TUBGCP5: variants seen among roughly 807,000 people sequenced by gnomAD.
The protein encoded by TUBGCP5 is gamma-tubulin complex component 5.
In TUBGCP5, 98 loss-of-function variants were observed where a neutral mutation model predicts 134.7. The observed-to-expected ratio is 0.73, with a 90% CI of 0.62 to 0.86. TUBGCP5 has a LOEUF of 0.86. Ranked by LOEUF, TUBGCP5 falls within the 40% of genes least tolerant of loss-of-function variation. The pLI is 0.00. For missense variants in TUBGCP5, 1,150 were observed against 1,244.8 expected (o/e 0.92, Z 1.15); for synonymous variants, 456 against 431.4 (o/e 1.06, Z -0.71).
chr15:23,017,503 C>CCA (rs1386391194), intron 13 of TUBGCP5, among the ~76,000 whole-genome samples: 1 of 152,002 alleles, frequency 6.6e-6, no homozygotes, highest in Non-Finnish European at 1.5e-5. Flanking sequence ...TTTTAAAGTT[C>CCA]CAGTCCTAAG....
rs777088676 is a variant in TUBGCP5, at chr15:23,024,790, T to G, written c.868A>C (p.Ile290Leu). The change falls in exon 9 of 23, where the codon ATA (isoleucine) becomes CTA (leucine). Residue 290 changes from isoleucine (I) to leucine (L), a missense_variant. Transcript: ENST00000615383. Reference protein sequence around the residue: ...GVKKLFIFQLIDGKVTVRNNI... With the variant: ...GVKKLFIFQLLDGKVTVRNNI... ...TTTCTCACAGTTACCTTCCCATCTATCAACTGAAATATAAAGAGCTTTTTC... is the reference window on the plus strand; with the variant it reads ...TTTCTCACAGTTACCTTCCCATCTAGCAACTGAAATATAAAGAGCTTTTTC... The G allele has an allele frequency of 4.4e-6, 7 of 1,596,956 alleles. No homozygotes were observed. In the South Asian group the frequency reaches 7.9e-5, roughly 18 times the overall value.
At chr15:23,010,987 A>G (rs2065002040) in intron 14 of TUBGCP5, 146 bp downstream of exon 14, 4 of 786,600 alleles carry the variant, frequency 5.1e-6, no homozygotes, top group South Asian at 1.9e-5. Flanking sequence ...TCTCAAACAA[A>G]CAAAAAAAAA....
intron 4 of TUBGCP5, among the ~76,000 whole-genome samples, chr15:23,032,515 G>A (rs2066370724): frequency 2.0e-5 from 3 of 152,082 alleles, no homozygotes; most frequent in Admixed American, 2.0e-4. Flanking sequence ...TTTTTGATCT[G>A]TAGTTGATTG....
At chr15:23,032,077 G>GA (rs1267465299) in intron 4 of TUBGCP5, 48 bp from the exon 5 acceptor site, 80 of 1,411,798 alleles carry the variant, frequency 5.7e-5, no homozygotes, top group Admixed American at 2.8e-4. Context: ...ATCTATCTTT[G>GA]AAAAAAAACC....
At chr15:23,033,237 A>AT (rs142285097) in intron 3 of TUBGCP5, among the ~76,000 whole-genome samples, 6,669 of 151,872 alleles carry the variant, frequency 0.044, 366 homozygotes, top group African/African-American at 0.13. Flanking sequence ...TGAAATTTAG[A>AT]TTTTTTCCCA....
rs369762291 is a variant in TUBGCP5 at position 22,984,921 on chromosome 15, G to C, written c.*62-1310C>G. ...ATTTAAAACTTCTCATCAAAAGAATGTTAAAAGAGTGAAAAGACATAGACA... is the reference window on the plus strand; with the variant it reads ...ATTTAAAACTTCTCATCAAAAGAATCTTAAAAGAGTGAAAAGACATAGACA... On this transcript the variant is annotated intron_variant and NMD_transcript_variant, in intron 23 of 23. Transcript: ENST00000614508. 1.7e-3 allele frequency among the ~76,000 whole-genome samples: 256 copies of C among 152,278 alleles called. 3 individuals carry two copies. In the South Asian group the frequency reaches 0.02, roughly 12 times the overall value.
Position 23,026,139 on chromosome 15 carries a change from A to C in TUBGCP5, c.804T>G (p.Thr268=). The change falls in exon 8 of 23, where the codon ACT becomes ACG. Residue 268 remains threonine (T), a synonymous_variant. Transcript: ENST00000615383. ...ACCATAGGGTTTCCCGAATAACCTG[A>C]GTCTCAGTAACCAAAACCCTGTCAT... ...VPDDRVLVTE[T]QVIRETLWLL... 6.2e-7 allele frequency: 1 copy of C among 1,610,466 alleles called. No homozygotes were observed. Among genetic ancestry groups the C allele is most frequent in the East Asian group, 2.2e-5 (1 of 44,654 alleles).
In TUBGCP5 at chr15:23,037,121, T is replaced by A; in HGVS notation, c.178A>T (p.Lys60Ter). 3 of 1,613,828 alleles carry A rather than the reference T, an allele frequency of 1.9e-6. No homozygotes were observed. The highest frequency in any genetic ancestry group is 2.5e-6 in the Non-Finnish European group (3 of 1,180,008). ...FHRFLDVNSH[K>*]IEKTIEGIYE... is the part of the protein sequence containing the mutation. ...TACCCTTCGATTGTTTTTTCTATTTTGTGGCTGTTGACATCCAAGAAACGA... is the reference window on the plus strand; with the variant it reads ...TACCCTTCGATTGTTTTTTCTATTTAGTGGCTGTTGACATCCAAGAAACGA... The change falls in exon 2 of 23, where the codon AAA becomes TAA. Residue 60 changes from lysine to a stop codon, truncating the protein, a stop_gained. Coordinates refer to ENST00000615383, the MANE Select transcript of TUBGCP5 (RefSeq NM_052903.6). LOFTEE classifies it high-confidence loss of function.
chr15:23,020,548 T>C (rs1453703680), intron 11 of TUBGCP5, among the ~76,000 whole-genome samples: 1 of 129,486 alleles, frequency 7.7e-6, no homozygotes, highest in African/African-American at 3.0e-5. Context: ...ATCGTGCGAC[T>C]GCACTCCAGC....
chr15:23,006,307 C>T lies in TUBGCP5; in HGVS notation c.2373G>A (p.Leu791=), dbSNP rs779738337. 1 of 1,609,374 alleles carries T rather than the reference C, an allele frequency of 6.2e-7. No individual in the cohort carries two copies. Among genetic ancestry groups the T allele is most frequent in the Non-Finnish European group, 8.5e-7 (1 of 1,179,108 alleles). The change falls in exon 17 of 23, where the codon CTG becomes CTA. Residue 791 remains leucine (L), a synonymous_variant. Coordinates refer to ENST00000615383, the MANE Select transcript of TUBGCP5 (RefSeq NM_052903.6). Reference sequence around the variant, plus strand: ...TCAGACCATCTAAGATATGAACAGGCAGCTTCTTCTTAGCTGTGTCAACAT... The same window carrying T: ...TCAGACCATCTAAGATATGAACAGGTAGCTTCTTCTTAGCTGTGTCAACAT... ...FENVDTAKKK[L]PVHILDGLTL... is the part of the protein sequence containing the mutation.
At position 23,037,079 on chromosome 15, in the gene TUBGCP5, A is replaced by T. The variant is rs2140712370; in HGVS notation, c.200+20T>A. 1.9e-6 allele frequency: 3 copies of T among 1,612,598 alleles called. No individual in the cohort carries two copies. The highest frequency in any genetic ancestry group is 2.5e-6 in the Non-Finnish European group (3 of 1,178,924). On this transcript the variant is annotated intron_variant, in intron 2 of 22. Coordinates refer to ENST00000615383, the MANE Select transcript of TUBGCP5 (RefSeq NM_052903.6). ...AAAATACATATATTTCTGGATGCGT[A>T]TATATACACACTGACTTACCCTTCG...
intron 23 of TUBGCP5, among the ~76,000 whole-genome samples, chr15:22,986,558 G>A (rs958364665): frequency 8.6e-5 from 13 of 151,978 alleles, no homozygotes; most frequent in Admixed American, 6.6e-4. Flanking sequence ...CCAACATGGC[G>A]AAACCCCATC....
In TUBGCP5 at chr15:22,999,698, G is replaced by T; in HGVS notation, c.*122C>A. 1 of 1,101,556 alleles carries T rather than the reference G, an allele frequency of 9.1e-7. No homozygotes were observed. Among genetic ancestry groups the T allele is most frequent in the Non-Finnish European group, 1.3e-6 (1 of 745,436 alleles). The allele number at this position is 1,101,556 out of a possible 1,614,324, so 68.2% of individuals were successfully genotyped here. A position where few individuals can be genotyped will look rare whatever the true frequency, so the allele number is the denominator to read the frequency against. On this transcript the variant is annotated 3_prime_UTR_variant, in exon 23 of 23. Transcript: ENST00000615383. Reference sequence around the variant, plus strand: ...TTAGAGGCATGAGCGACTGTGCCAGGCTGACTGTGGACAAGTTTTACAAAT... The same window carrying T: ...TTAGAGGCATGAGCGACTGTGCCAGTCTGACTGTGGACAAGTTTTACAAAT...
At chr15:22,996,455 G>T (rs1226110238), downstream of TUBGCP5, among the ~76,000 whole-genome samples, 1 of 152,068 alleles carries the variant, frequency 6.6e-6, no homozygotes, top group Non-Finnish European at 1.5e-5. Context: ...ATCAGCCGGG[G>T]AACATAGTTA....
intron 23 of TUBGCP5, chr15:22,983,653 TAAC>T (rs2063596778): frequency 6.6e-6 from 1 of 151,972 alleles, no homozygotes; most frequent in Non-Finnish European, 1.5e-5. Flanking sequence ...AGTAAGACAT[TAAC>T]AATAATAAAA....
At chr15:22,998,310 A>C (rs1018023391), downstream of TUBGCP5, among the ~76,000 whole-genome samples, 1 of 152,148 alleles carries the variant, frequency 6.6e-6, no homozygotes, top group Non-Finnish European at 1.5e-5. Context: ...GTGAGCCTCC[A>C]CATTTCAAAA....
intron 13 of TUBGCP5, 46 bp downstream of exon 13, chr15:23,017,727 C>G (rs375114464): frequency 1.9e-6 from 3 of 1,565,838 alleles, no homozygotes; most frequent in South Asian, 1.2e-5. Flanking sequence ...CGAGTAGGGT[C>G]AGGTGTCCCA....
intron 13 of TUBGCP5, among the ~76,000 whole-genome samples, chr15:23,012,048 T>C (rs1032734219): frequency 5.3e-5 from 8 of 150,096 alleles, no homozygotes; most frequent in East Asian, 4.0e-4. Context: ...CAGGTGAAGG[T>C]TGCAATGCGC....
intron 20 of TUBGCP5, 55 bp downstream of exon 20, chr15:23,004,047 C>CAG (rs2064554725): frequency 9.1e-6 from 14 of 1,540,224 alleles, no homozygotes; most frequent in Non-Finnish European, 1.1e-5. Context: ...CCAAAGCACG[C>CAG]AGACAGCGCC....
Sources: gnomAD v4.1 joint callset for allele counts (sites outside exome capture counted in the v4.1 genomes callset) on GRCh38, gnomAD v4.1.1 for gene constraint, MANE v1.5 for transcripts, NCBI Gene and HGNC (gene_info 2026-07-23, HGNC 2026-07-21) for gene names.